The following NRXN1 variants were observed in gnomAD, a reference collection of about 807,000 sequenced individuals.
NRXN1 encodes neurexin-1.
NRXN1 carries 39 observed loss-of-function variants against 150.9 expected under a neutral mutation model. That is an observed-to-expected ratio of 0.26 (90% CI 0.20 to 0.34). The LOEUF (loss-of-function observed/expected upper bound fraction) is 0.34. NRXN1 is among the 10% of genes least tolerant of loss of function. NRXN1 has a pLI of 1.00. For missense variants in NRXN1, 1,815 were observed against 1,949.9 expected, an observed-to-expected ratio of 0.93 and a Z score of 1.30; for synonymous variants, 924 against 757.0, an observed-to-expected ratio of 1.22 and a Z score of -3.62.
chr2:50,914,502 G>T lies in NRXN1; in HGVS notation c.832+7367C>A, dbSNP rs1260995918. Among the ~76,000 whole-genome samples the T allele has an allele frequency of 7.3e-5, 11 of 151,628 alleles. No homozygotes were observed. The Admixed American group carries it at 7.3e-4, about 10-fold the overall frequency. ...GATTAATTACTGTCCCTTTCTTAAAGAAATATTCATTTAAGACTGAGATAA... is the reference window on the plus strand; with the variant it reads ...GATTAATTACTGTCCCTTTCTTAAATAAATATTCATTTAAGACTGAGATAA... On this transcript the variant is annotated intron_variant, in intron 5 of 22. Coordinates refer to ENST00000401669, the MANE Select transcript of NRXN1 (RefSeq NM_001330078.2).
At chr2:50,239,712 ATATT>A (rs2065833222) in intron 17 of NRXN1, among the ~76,000 whole-genome samples, 7 of 101,800 alleles carry the variant, frequency 6.9e-5, no homozygotes, top group East Asian at 2.9e-4. Flanking sequence ...ATATATATAT[ATATT>A]TATGACAGAA....
intron 8 of NRXN1, among the ~76,000 whole-genome samples, chr2:50,557,986 C>G (rs543184181): frequency 1.1e-4 from 16 of 152,226 alleles, no homozygotes; most frequent in African/African-American, 3.4e-4. Context: ...ACACAGCAGG[C>G]TAGCTAACCT....
intron 15 of NRXN1, among the ~76,000 whole-genome samples, chr2:50,489,959 C>T (rs767582569): frequency 3.9e-5 from 6 of 152,140 alleles, no homozygotes; most frequent in Non-Finnish European, 7.3e-5. Context: ...AACACACTGA[C>T]AAAGGCTTTA....
intron 17 of NRXN1, among the ~76,000 whole-genome samples, chr2:50,431,256 T>C (rs954032911): frequency 6.6e-6 from 1 of 152,216 alleles, no homozygotes; most frequent in Non-Finnish European, 1.5e-5. Context: ...AACACTATCA[T>C]AATTACCATG....
chr2:50,810,164 A>G (rs1157163691), intron 5 of NRXN1, among the ~76,000 whole-genome samples: 1 of 152,166 alleles, frequency 6.6e-6, no homozygotes, highest in Non-Finnish European at 1.5e-5. Flanking sequence ...TGTTGGCTTG[A>G]GTACAAAGAA....
At chr2:50,171,823 G>C (rs2060049927) in intron 18 of NRXN1, among the ~76,000 whole-genome samples, 1 of 152,150 alleles carries the variant, frequency 6.6e-6, no homozygotes, top group South Asian at 2.1e-4. Context: ...GAAACAAACA[G>C]GCGACCACTG....
At chr2:50,569,406 C>A (rs1670330084) in intron 8 of NRXN1, among the ~76,000 whole-genome samples, 1 of 151,806 alleles carries the variant, frequency 6.6e-6, no homozygotes, top group African/African-American at 2.4e-5. Flanking sequence ...TTATGTACTC[C>A]ATAAACACTT....
At position 50,236,940 on chromosome 2, in the gene NRXN1, C is replaced by T. The variant is rs199983104; in HGVS notation, c.3395G>A (p.Gly1132Asp). ...PGTTYIFSKG[G>D]GQITYKWPPN... Reference sequence around the variant, plus strand: ...AGGCCACTTATACGTGATTTGTCCACCACCTTTGCTAAAGATATATGTCGT... The same window carrying T: ...AGGCCACTTATACGTGATTTGTCCATCACCTTTGCTAAAGATATATGTCGT... Residue 1132 changes from glycine to aspartate, a missense_variant, in exon 18 of 23, where the codon GGT becomes GAT. This residue lies in a region of NRXN1 where 339 missense variants were observed against 440.3 expected (regional missense o/e 0.77). Coordinates refer to ENST00000401669, the MANE Select transcript of NRXN1 (RefSeq NM_001330078.2). The T allele has an allele frequency of 6.2e-7, 1 of 1,613,270 alleles. No individual in the cohort carries two copies. Among genetic ancestry groups the T allele is most frequent in the Non-Finnish European group, 8.5e-7 (1 of 1,179,550 alleles).
chr2:50,788,916 C>T (rs984102408), intron 5 of NRXN1, among the ~76,000 whole-genome samples: 4 of 152,122 alleles, frequency 2.6e-5, no homozygotes, highest in African/African-American at 9.7e-5. Context: ...AATAAAGGTG[C>T]TACCTCGTGT....
intron 18 of NRXN1, among the ~76,000 whole-genome samples, chr2:50,190,620 T>C (rs2061383490): frequency 1.3e-5 from 2 of 150,782 alleles, no homozygotes; most frequent in African/African-American, 2.4e-5. Context: ...TTTCTTTTTT[T>C]TTTTTTTTTG....
chr2:50,135,882 T>C (rs960721393), intron 18 of NRXN1, among the ~76,000 whole-genome samples: 15 of 152,242 alleles, frequency 9.9e-5, no homozygotes, highest in African/African-American at 3.6e-4. Context: ...TGAAAGAAAA[T>C]TGAGACATAA....
At chr2:50,601,966 G>C (rs1472593785) in intron 8 of NRXN1, among the ~76,000 whole-genome samples, 1 of 152,132 alleles carries the variant, frequency 6.6e-6, no homozygotes. Context: ...GAAGCTAATA[G>C]AGTTATAAAG....
chr2:50,031,954 G>A (rs1401917800), intron 21 of NRXN1, among the ~76,000 whole-genome samples: 2 of 151,988 alleles, frequency 1.3e-5, no homozygotes, highest in Non-Finnish European at 2.9e-5. Context: ...TGAGAAATTG[G>A]AAGACATGAT....
At chr2:50,085,850 T>C (rs906042652) in intron 19 of NRXN1, among the ~76,000 whole-genome samples, 11 of 152,254 alleles carry the variant, frequency 7.2e-5, no homozygotes, top group Admixed American at 5.9e-4. Flanking sequence ...AGTAATAACA[T>C]TTAGTTATGA....
intron 17 of NRXN1, among the ~76,000 whole-genome samples, chr2:50,417,846 T>C (rs937186325): frequency 2.6e-5 from 4 of 151,570 alleles, no homozygotes; most frequent in Non-Finnish European, 5.9e-5. Context: ...AAGTGCAGGA[T>C]CACAAAGAGA....
intron 21 of NRXN1, 31 bp downstream of exon 21, chr2:50,053,240 G>A: frequency 6.2e-7 from 1 of 1,607,272 alleles, no homozygotes; most frequent in East Asian, 2.2e-5. Context: ...AATATAGGAT[G>A]AAAATGAAGG....
rs188294410 is a variant in NRXN1, at chr2:50,974,732, C to T, written c.773-48777G>A. On this transcript the variant is annotated intron_variant, in intron 2 of 22. Coordinates refer to ENST00000401669, the MANE Select transcript of NRXN1 (RefSeq NM_001330078.2). Reference sequence around the variant, plus strand: ...TCATACCAATATGAAATAAATCTAGCGTAATTGCAATTTGAGAATGTAAAT... The same window carrying T: ...TCATACCAATATGAAATAAATCTAGTGTAATTGCAATTTGAGAATGTAAAT... Among the ~76,000 whole-genome samples, 485 of 152,034 alleles carry T rather than the reference C, an allele frequency of 3.2e-3. 6 individuals are homozygous for T. The highest frequency in any genetic ancestry group is 1.6e-3 in the Non-Finnish European group (111 of 67,964).
chr2:50,239,237 G>T (rs1009242590), intron 17 of NRXN1, among the ~76,000 whole-genome samples: 3 of 151,808 alleles, frequency 2.0e-5, no homozygotes, highest in African/African-American at 7.2e-5. Flanking sequence ...AGTGGAGATG[G>T]CTTTAAAAGG....
chr2:50,860,456 T>A, intron 5 of NRXN1, among the ~76,000 whole-genome samples: 1 of 152,106 alleles, frequency 6.6e-6, no homozygotes, highest in Non-Finnish European at 1.5e-5. Context: ...GGTCCTGACA[T>A]GTGGAAGGGT....
Sources: gnomAD v4.1 joint callset for allele counts (sites outside exome capture counted in the v4.1 genomes callset) on GRCh38, gnomAD v4.1.1 for gene constraint, gnomAD v4.1.1 regional missense constraint, MANE v1.5 for transcripts, NCBI Gene and HGNC (gene_info 2026-07-23, HGNC 2026-07-21) for gene names.